The following FBLN1 variants were observed in gnomAD, a reference collection of about 807,000 sequenced individuals.
FBLN1 encodes fibulin-1.
A neutral mutation model predicts 89.7 loss-of-function variants in FBLN1; 34 were observed. The ratio of observed to expected loss-of-function variants is 0.38; its 90% CI spans 0.29 to 0.50. The LOEUF (loss-of-function observed/expected upper bound fraction) is 0.50. FBLN1 is among the 20% of genes least tolerant of loss of function. FBLN1 has a pLI of 0.92. For synonymous variants in FBLN1, 393 were observed against 391.3 expected (o/e 1.00, Z -0.05); for missense variants, 777 against 988.1 (o/e 0.79, Z 2.86).
chr22:45,544,856 G>A (rs1001752642), intron 11 of FBLN1, among the ~76,000 whole-genome samples: 6 of 152,142 alleles, frequency 3.9e-5, no homozygotes, highest in Non-Finnish European at 2.9e-5. Context: ...TCAGCCCAGG[G>A]CCTGGCACAT....
Position 45,581,818 on chromosome 22 carries a change from C to T in FBLN1, c.1972+4710C>T, listed in dbSNP as rs954850256. ...ACGTCTGTGGCTGGCCCATGAACAG[C>T]GCGATGAGAGGCAGGGAGCCAGGAA... On this transcript the variant is annotated intron_variant, in intron 16 of 16. Transcript: ENST00000327858. This position sits in a 1 kb window ranked among gnomAD's most constrained non-coding sequence, Gnocchi z 7.6. 6.6e-5 allele frequency among the ~76,000 whole-genome samples: 10 copies of T among 151,974 alleles called. No individual in the cohort carries two copies. The highest frequency in any genetic ancestry group is 1.9e-4 in the African/African-American group (8 of 41,364).
chr22:45,547,471 C>T (rs1031062282), intron 12 of FBLN1, among the ~76,000 whole-genome samples: 1 of 141,064 alleles, frequency 7.1e-6, no homozygotes, highest in Admixed American at 7.8e-5. Flanking sequence ...TCACTGCTCA[C>T]TGCAGCCTCA....
intron 2 of FBLN1, among the ~76,000 whole-genome samples, chr22:45,523,436 C>T (rs574059939): frequency 1.3e-5 from 2 of 152,224 alleles, no homozygotes; most frequent in African/African-American, 4.8e-5. Flanking sequence ...GGCGCAGTGG[C>T]TCACGCCTAT....
At chr22:45,589,107 A>T (rs971517522) in intron 16 of FBLN1, among the ~76,000 whole-genome samples, 1 of 147,702 alleles carries the variant, frequency 6.8e-6, no homozygotes, top group East Asian at 1.9e-4. Context: ...AAAAATATAT[A>T]AAAATATTTT....
chr22:45,565,000 G>A, intron 14 of FBLN1: 1 of 1,613,592 alleles, frequency 6.2e-7, no homozygotes, highest in South Asian at 1.1e-5. Context: ...TAGTGAGGAA[G>A]ATGGACCTGG....
rs746097365 is a variant in FBLN1, at chr22:45,535,164, T to C, written c.785-36T>C. On this transcript the variant is annotated intron_variant, in intron 7 of 16. Transcript: ENST00000327858. ...TGTTGTAAGATGCTTCTGGCAGGAC[T>C]CTTGCTAACAATTTCCTTTTTTTAT... The C allele has an allele frequency of 1.7e-5, 28 of 1,613,626 alleles. No individual in the cohort carries two copies. In the Middle Eastern group the frequency reaches 4.9e-4, roughly 28 times the overall value.
intron 14 of FBLN1, among the ~76,000 whole-genome samples, chr22:45,552,247 T>G (rs546608561): frequency 6.6e-6 from 1 of 152,006 alleles, no homozygotes; most frequent in East Asian, 1.9e-4. Flanking sequence ...CTGTCTGGAG[T>G]GGGCCATGCC....
chr22:45,553,447 C>T (rs759869483), intron 14 of FBLN1, among the ~76,000 whole-genome samples: 8 of 152,198 alleles, frequency 5.3e-5, no homozygotes, highest in Non-Finnish European at 1.2e-4. Flanking sequence ...GATGACAACC[C>T]GTCCCTGACC....
In FBLN1 at chr22:45,563,084, G is replaced by T; in HGVS notation, c.1698-11427G>T. On this transcript the variant is annotated intron_variant, in intron 14 of 16. Transcript: ENST00000327858. The surrounding 1 kb of genome is among the most constrained non-coding windows in gnomAD (Gnocchi z 5.7). ...CAGCATGCAGCTGGCCATCACCGGCGGCAATGAGGAGGGCTTTTTCACCAC... is the reference window on the plus strand; with the variant it reads ...CAGCATGCAGCTGGCCATCACCGGCTGCAATGAGGAGGGCTTTTTCACCAC... 6.2e-7 allele frequency: 1 copy of T among 1,613,376 alleles called. No individual in the cohort carries two copies. Among genetic ancestry groups the T allele is most frequent in the Non-Finnish European group, 8.5e-7 (1 of 1,179,974 alleles).
At chr22:45,523,526 G>A (rs2088279317) in intron 2 of FBLN1, among the ~76,000 whole-genome samples, 1 of 152,138 alleles carries the variant, frequency 6.6e-6, no homozygotes, top group Admixed American at 6.5e-5. Flanking sequence ...AACATGGCAA[G>A]ATCTCATCTC....
chr22:45,592,111 G>A (rs1279254854), intron 16 of FBLN1, among the ~76,000 whole-genome samples: 2 of 152,180 alleles, frequency 1.3e-5, no homozygotes, highest in African/African-American at 4.8e-5. Context: ...TGTTAGCTCC[G>A]TGATCTGGAA....
At chr22:45,592,725 T>C (rs1042093439) in intron 16 of FBLN1, among the ~76,000 whole-genome samples, 10 of 152,202 alleles carry the variant, frequency 6.6e-5, no homozygotes, top group Non-Finnish European at 1.5e-4. Flanking sequence ...TACTGAGGCC[T>C]GGTGATGGTT....
At chr22:45,559,361 A>G (rs576548628) in intron 14 of FBLN1, among the ~76,000 whole-genome samples, 17 of 152,010 alleles carry the variant, frequency 1.1e-4, no homozygotes, top group African/African-American at 3.1e-4. Context: ...GGGAATCACC[A>G]CCCCGCGTCT....
chr22:45,587,947 T>A (rs2089102730), intron 16 of FBLN1, among the ~76,000 whole-genome samples: 1 of 152,100 alleles, frequency 6.6e-6, no homozygotes, highest in Non-Finnish European at 1.5e-5. Context: ...CTCCTCATAC[T>A]CATTCTCCCA....
At chr22:45,535,450 G>C in intron 8 of FBLN1, 113 bp downstream of exon 8, 1 of 1,331,746 alleles carries the variant, frequency 7.5e-7, no homozygotes, top group Non-Finnish European at 1.1e-6. Context: ...ACAGGGGTTG[G>C]CAAACTTTTT....
At chr22:45,564,282 C>T (rs1037738783) in intron 14 of FBLN1, among the ~76,000 whole-genome samples, 4 of 152,252 alleles carry the variant, frequency 2.6e-5, no homozygotes, top group Non-Finnish European at 4.4e-5. Flanking sequence ...ACCTCCCCTA[C>T]AGCTCATTCT....
chr22:45,551,651 G>A (rs1019186761), intron 14 of FBLN1, among the ~76,000 whole-genome samples: 2 of 152,192 alleles, frequency 1.3e-5, no homozygotes, highest in Non-Finnish European at 2.9e-5. Flanking sequence ...TCCTTCCTGA[G>A]CTTGGGTTAG....
At position 45,588,813 on chromosome 22, in the gene FBLN1, CAAA is replaced by C. The variant is rs10714602; in HGVS notation, c.1973-11481_1973-11479del. 7.9e-5 allele frequency among the ~76,000 whole-genome samples: 11 copies of C among 138,766 alleles called. No homozygotes were observed. The highest frequency in any genetic ancestry group is 4.1e-4 in the East Asian group (2 of 4,842). The allele number at this position is 138,766 out of a possible 152,430, so 91.0% of individuals were successfully genotyped here. ...GTAGAGGCATGTTGTGCAAAATTAG[CAAA>C]AAAAAAAAAAAAGGAATGACGATGA... is the stretch of plus-strand genomic sequence containing the variant. On this transcript the variant is annotated intron_variant, in intron 16 of 16. Coordinates refer to ENST00000327858, the MANE Select transcript of FBLN1 (RefSeq NM_006486.3). The surrounding 1 kb of genome is among the most constrained non-coding windows in gnomAD (Gnocchi z 5.1).
chr22:45,550,905 GA>G lies in FBLN1; in HGVS notation c.1697+292del. 1 of 485,178 alleles carries G rather than the reference GA, an allele frequency of 2.1e-6. No homozygotes were observed. Among genetic ancestry groups the G allele is most frequent in the Non-Finnish European group, 3.8e-6 (1 of 264,210 alleles). The allele number at this position is 485,178 out of a possible 1,614,324, so 30.1% of individuals were successfully genotyped here. ...CACAGCCCTCTTTTTTCCTAGGGTGGAAGCCTTGGGCAAGCTCTCTGGGCCT... is the reference window on the plus strand; with the variant it reads ...CACAGCCCTCTTTTTTCCTAGGGTGGAGCCTTGGGCAAGCTCTCTGGGCCT... On this transcript the variant is annotated intron_variant, in intron 14 of 16. Coordinates refer to ENST00000327858, the MANE Select transcript of FBLN1 (RefSeq NM_006486.3). The surrounding 1 kb of genome is among the most constrained non-coding windows in gnomAD (Gnocchi z 8.4).
Sources: gnomAD v4.1 joint callset for allele counts (sites outside exome capture counted in the v4.1 genomes callset) on GRCh38, gnomAD v4.1.1 for gene constraint, Gnocchi (gnomAD v3.1) non-coding constraint, MANE v1.5 for transcripts, NCBI Gene and HGNC (gene_info 2026-07-23, HGNC 2026-07-21) for gene names.